The following FNDC3B variants were observed in gnomAD, a reference collection of about 807,000 sequenced individuals.
FNDC3B encodes the protein fibronectin type III domain containing 3B.
In FNDC3B, 12 loss-of-function variants were observed where a neutral mutation model predicts 151.5. That is an observed-to-expected ratio of 0.08 (90% CI 0.05 to 0.13). The LOEUF (loss-of-function observed/expected upper bound fraction) is 0.13, where lower values mean the gene tolerates loss of function less well. Ranked by LOEUF, FNDC3B falls within the 10% of genes least tolerant of loss-of-function variation. The probability of loss-of-function intolerance (pLI) is 1.00; values close to 1 mark genes in which losing one functional copy is unlikely to be tolerated. For synonymous variants in FNDC3B, 528 were observed against 549.0 expected (o/e 0.96, Z 0.54); for missense variants, 1,214 against 1,505.3 (o/e 0.81, Z 3.20).
At chr3:172,242,713 A>G (rs1727564890) in intron 4 of FNDC3B, among the ~76,000 whole-genome samples, 2 of 152,196 alleles carry the variant, frequency 1.3e-5, no homozygotes, top group Non-Finnish European at 2.9e-5. Context: ...AGGGGCTGCC[A>G]TGAAGACCTC....
chr3:172,079,513 G>A (rs1377775331), intron 1 of FNDC3B, among the ~76,000 whole-genome samples: 3 of 152,200 alleles, frequency 2.0e-5, no homozygotes, highest in African/African-American at 7.2e-5. Context: ...TGCAACCAGG[G>A]CATTTCTGCC....
intron 7 of FNDC3B, 64 bp downstream of exon 7, chr3:172,286,048 T>C: frequency 7.7e-7 from 1 of 1,294,088 alleles, no homozygotes; most frequent in East Asian, 2.3e-5. Context: ...GTGCTTTTTT[T>C]TTTTTTCCAC....
At chr3:172,121,336 C>T (rs537533383) in intron 2 of FNDC3B, among the ~76,000 whole-genome samples, 3 of 152,110 alleles carry the variant, frequency 2.0e-5, no homozygotes, top group Non-Finnish European at 2.9e-5. Flanking sequence ...TTAGGCTGGG[C>T]GCTGGTTCAT....
intron 3 of FNDC3B, among the ~76,000 whole-genome samples, chr3:172,226,271 C>G (rs1011600551): frequency 6.7e-6 from 1 of 148,756 alleles, no homozygotes; most frequent in African/African-American, 2.5e-5. Flanking sequence ...CGCCATTATA[C>G]TCCAGCCTTG....
chr3:172,051,778 G>T (rs1213724206), intron 1 of FNDC3B, among the ~76,000 whole-genome samples: 1 of 152,096 alleles, frequency 6.6e-6, no homozygotes, highest in African/African-American at 2.4e-5. Flanking sequence ...AAGATGAAAG[G>T]CATGAGTCAC....
At chr3:172,240,158 A>G (rs1451540355) in intron 4 of FNDC3B, among the ~76,000 whole-genome samples, 1 of 152,122 alleles carries the variant, frequency 6.6e-6, no homozygotes, top group South Asian at 2.1e-4. Context: ...GGCGTGAGCC[A>G]CCGCGCTCAG....
intron 1 of FNDC3B, among the ~76,000 whole-genome samples, chr3:172,070,284 G>GCCCCCC (rs200854284): frequency 7.2e-6 from 1 of 139,554 alleles, no homozygotes; most frequent in East Asian, 2.2e-4. Context: ...ACTGAGATCT[G>GCCCCCC]TCAATAGAGT....
chr3:172,153,125 G>A (rs1722315822), intron 3 of FNDC3B, among the ~76,000 whole-genome samples: 1 of 152,148 alleles, frequency 6.6e-6, no homozygotes, highest in Non-Finnish European at 1.5e-5. Flanking sequence ...TGTCGGGCTT[G>A]GGAGCCAGAA....
chr3:172,063,605 T>C (rs1000470824), intron 1 of FNDC3B, among the ~76,000 whole-genome samples: 1 of 152,206 alleles, frequency 6.6e-6, no homozygotes, highest in Non-Finnish European at 1.5e-5. Flanking sequence ...TGTTCTCAGA[T>C]AGGACACAAG....
chr3:172,050,700 CGTGTGTGTGTGT>C (rs71975191), intron 1 of FNDC3B, among the ~76,000 whole-genome samples: 8 of 144,992 alleles, frequency 5.5e-5, no homozygotes, highest in African/African-American at 7.8e-5. Flanking sequence ...GGTATATTTT[CGTGTGTGTGTGT>C]GTGTGTGTGT....
chr3:172,160,542 A>G (rs771750047), intron 3 of FNDC3B, among the ~76,000 whole-genome samples: 3 of 152,236 alleles, frequency 2.0e-5, no homozygotes, highest in Admixed American at 1.3e-4. Flanking sequence ...TTTCACTAAT[A>G]TTGGCCAGCT....
intron 1 of FNDC3B, among the ~76,000 whole-genome samples, chr3:172,068,446 T>TG (rs1717612626): frequency 7.6e-6 from 1 of 131,492 alleles, no homozygotes; most frequent in Non-Finnish European, 1.6e-5. Context: ...TTTTTTGAGA[T>TG]GGGGTCTCAC....
At chr3:172,083,327 A>G (rs1718375799) in intron 1 of FNDC3B, among the ~76,000 whole-genome samples, 1 of 152,202 alleles carries the variant, frequency 6.6e-6, no homozygotes, top group Non-Finnish European at 1.5e-5. Flanking sequence ...ATAAGGATGG[A>G]GCGTGCAGAT....
intron 6 of FNDC3B, among the ~76,000 whole-genome samples, chr3:172,258,251 G>C (rs926210611): frequency 6.6e-6 from 1 of 152,098 alleles, no homozygotes; most frequent in Non-Finnish European, 1.5e-5. Flanking sequence ...CACATTCCAC[G>C]ACATAGACTC....
At chr3:172,385,563 CTT>C (rs11293866) in intron 25 of FNDC3B, among the ~76,000 whole-genome samples, 30 of 140,972 alleles carry the variant, frequency 2.1e-4, no homozygotes, top group Admixed American at 2.8e-4. Context: ...GACCTTTTTT[CTT>C]TTTTTTTTTT....
chr3:172,256,861 G>C (rs1010196223), intron 6 of FNDC3B, among the ~76,000 whole-genome samples: 1 of 152,082 alleles, frequency 6.6e-6, no homozygotes, highest in Non-Finnish European at 1.5e-5. Flanking sequence ...ATGTATGTGT[G>C]TGTGTTTGTG....
At chr3:172,256,529 T>C (rs1345825038) in intron 6 of FNDC3B, among the ~76,000 whole-genome samples, 1 of 152,232 alleles carries the variant, frequency 6.6e-6, no homozygotes, top group Non-Finnish European at 1.5e-5. Context: ...AATAGTCACA[T>C]TGCCTTTCAC....
chr3:172,215,423 C>T (rs1193214954), intron 3 of FNDC3B, among the ~76,000 whole-genome samples: 2 of 152,172 alleles, frequency 1.3e-5, no homozygotes, highest in Non-Finnish European at 2.9e-5. Flanking sequence ...TGACAGGCAA[C>T]CCTGTTAAAA....
Position 172,397,610 on chromosome 3 carries a change from G to T in FNDC3B, c.*135G>T, listed in dbSNP as rs147227232. 1 of 478,564 alleles carries T rather than the reference G, an allele frequency of 2.1e-6. No homozygotes were observed. Among genetic ancestry groups the T allele is most frequent in the Non-Finnish European group, 3.4e-6 (1 of 293,290 alleles). The allele number at this position is 478,564 out of a possible 1,614,324, so 29.6% of individuals were successfully genotyped here. A position where few individuals can be genotyped will look rare whatever the true frequency, so the allele number is the denominator to read the frequency against. ...TTACAGATTTAGCTAGAAAAAAAAT[G>T]TCAGTGTTTTGGTGCACCTTTTTGA... On this transcript the variant is annotated 3_prime_UTR_variant, in exon 26 of 26. Coordinates refer to ENST00000415807, the MANE Select transcript of FNDC3B (RefSeq NM_022763.4).
Sources: gnomAD v4.1 joint callset for allele counts (sites outside exome capture counted in the v4.1 genomes callset) on GRCh38, gnomAD v4.1.1 for gene constraint, MANE v1.5 for transcripts, NCBI Gene and HGNC (gene_info 2026-07-23, HGNC 2026-07-21) for gene names.